The following MGAT5 variants were observed in gnomAD, a reference collection of about 807,000 sequenced individuals.
The protein encoded by MGAT5 is alpha-1,6-mannosylglycoprotein 6-beta-N-acetylglucosaminyltransferase, also known as alpha-1,6-mannosylglycoprotein 6-beta-N-acetylglucosaminyltransferase A.
A neutral mutation model predicts 94.3 loss-of-function variants in MGAT5; 30 were observed. That is an observed-to-expected ratio of 0.32 (90% CI 0.24 to 0.43). MGAT5 has a LOEUF of 0.43. Among genes scored for constraint, MGAT5 ranks in the 20% least tolerant of loss-of-function variants. The probability of loss-of-function intolerance (pLI) is 1.00; values close to 1 mark genes in which losing one functional copy is unlikely to be tolerated. For synonymous variants in MGAT5, 310 were observed against 322.9 expected (o/e 0.96, Z 0.43); for missense variants, 691 against 905.5 (o/e 0.76, Z 3.04).
At chr2:134,189,604 T>TTTTTTTGTTTTTTTG (rs1689247865) in intron 1 of MGAT5, among the ~76,000 whole-genome samples, 2 of 105,812 alleles carry the variant, frequency 1.9e-5, no homozygotes, top group Non-Finnish European at 3.7e-5. Context: ...TTTTTTTTGT[T>TTTTTTTGTTTTTTTG]TTTTTTTTTT....
In MGAT5 at chr2:134,273,022, C is replaced by T. The variant is rs551396819; in HGVS notation, c.406+2472C>T. 1.4e-3 allele frequency among the ~76,000 whole-genome samples: 209 copies of T among 148,712 alleles called. 1 individual carries two copies. The highest frequency in any genetic ancestry group is 8.8e-3 in the South Asian group (41 of 4,650). ...GTGTGTGTGTGTCTGTGTGTGTGTG[C>T]GCGCGCGCGTGCGCGTGCATGCATG... is the stretch of plus-strand genomic sequence containing the variant. On this transcript the variant is annotated intron_variant, in intron 2 of 15. Coordinates refer to ENST00000281923, the MANE Select transcript of MGAT5 (RefSeq NM_002410.5).
intron 14 of MGAT5, among the ~76,000 whole-genome samples, chr2:134,432,712 T>C (rs1158430760): frequency 6.6e-6 from 1 of 152,232 alleles, no homozygotes; most frequent in Non-Finnish European, 1.5e-5. Context: ...ACTGTGTTTC[T>C]GACCTTGGGC....
intron 7 of MGAT5, 59 bp downstream of exon 7, chr2:134,341,818 T>A: frequency 6.9e-7 from 1 of 1,447,830 alleles, no homozygotes; most frequent in Non-Finnish European, 9.4e-7. Context: ...TGTAAACTCT[T>A]AAAGTATTAC....
intron 1 of MGAT5, among the ~76,000 whole-genome samples, chr2:134,137,897 T>TTTTTTTTTTTTTA: frequency 6.6e-6 from 1 of 152,146 alleles, no homozygotes. Flanking sequence ...TCTTTTTTTT[T>TTTTTTTTTTTTTA]TTTGCAAATG....
intron 10 of MGAT5, 58 bp from the exon 11 acceptor site, chr2:134,402,930 A>G (rs1683135678): frequency 3.3e-6 from 5 of 1,507,712 alleles, no homozygotes; most frequent in Middle Eastern, 1.8e-4. Context: ...TCCATGATAC[A>G]GGTTGTTATG....
At chr2:134,194,720 C>T (rs1679413948) in intron 1 of MGAT5, among the ~76,000 whole-genome samples, 1 of 152,084 alleles carries the variant, frequency 6.6e-6, no homozygotes, top group Admixed American at 6.5e-5. Flanking sequence ...GTCATTGAAC[C>T]AGATTGTGAA....
chr2:134,287,664 C>A (rs1325653592), intron 2 of MGAT5, among the ~76,000 whole-genome samples: 1 of 152,226 alleles, frequency 6.6e-6, no homozygotes, highest in Non-Finnish European at 1.5e-5. Flanking sequence ...AACTTTGCTT[C>A]ATAGCTAGAG....
intron 9 of MGAT5, among the ~76,000 whole-genome samples, chr2:134,358,136 C>G (rs1207890290): frequency 6.6e-6 from 1 of 150,962 alleles, no homozygotes; most frequent in Non-Finnish European, 1.5e-5. Context: ...TACAATTAAC[C>G]ATTTACTGTA....
At position 134,338,378 on chromosome 2, in the gene MGAT5, C is replaced by T. The variant is rs2105990004; in HGVS notation, c.765C>T (p.Ser255=). Residue 255 remains serine (S), a synonymous_variant, in exon 6 of 16, where the codon TCC becomes TCT. Coordinates refer to ENST00000281923, the MANE Select transcript of MGAT5 (RefSeq NM_002410.5). Reference sequence around the variant, plus strand: ...ACGCATGGATCCAAGCAATCAAGTCCCTGGCAGAAAAGCAGAACCTTGAAA... The same window carrying T: ...ACGCATGGATCCAAGCAATCAAGTCTCTGGCAGAAAAGCAGAACCTTGAAA... ...MADAWIQAIK[S]LAEKQNLEKR... is the part of the protein sequence containing the mutation. 6.2e-7 allele frequency: 1 copy of T among 1,611,780 alleles called. No individual in the cohort carries two copies. Among genetic ancestry groups the T allele is most frequent in the East Asian group, 2.2e-5 (1 of 44,748 alleles).
At chr2:134,448,623 A>G (rs746929021) in intron 15 of MGAT5, 26 bp from the exon 16 acceptor site, 1 of 1,610,368 alleles carries the variant, frequency 6.2e-7, no homozygotes, top group East Asian at 2.2e-5. Context: ...CATCACCAAC[A>G]CTTGTGCCTT....
At chr2:134,219,997 C>T (rs1470221132) in intron 1 of MGAT5, among the ~76,000 whole-genome samples, 4 of 152,104 alleles carry the variant, frequency 2.6e-5, no homozygotes, top group South Asian at 2.1e-4. Context: ...AGCATAAATA[C>T]TAATATTAGC....
At chr2:134,365,594 C>T (rs976581997) in intron 10 of MGAT5, among the ~76,000 whole-genome samples, 2 of 152,092 alleles carry the variant, frequency 1.3e-5, no homozygotes, top group Non-Finnish European at 2.9e-5. Flanking sequence ...ATGCATTCCT[C>T]CACAAGGAGA....
At chr2:134,128,007 A>T (rs1685929501) in intron 1 of MGAT5, among the ~76,000 whole-genome samples, 1 of 151,454 alleles carries the variant, frequency 6.6e-6, no homozygotes. Flanking sequence ...ACAAATTGGG[A>T]CTCTGAATGT....
At chr2:134,156,894 G>A (rs1165429511) in intron 1 of MGAT5, among the ~76,000 whole-genome samples, 2 of 152,318 alleles carry the variant, frequency 1.3e-5, no homozygotes, top group African/African-American at 4.8e-5. Context: ...GACACATCCA[G>A]GTTTGATGCA....
At chr2:134,146,891 T>C (rs1686946820) in intron 1 of MGAT5, among the ~76,000 whole-genome samples, 1 of 152,336 alleles carries the variant, frequency 6.6e-6, no homozygotes, top group East Asian at 1.9e-4. Flanking sequence ...AAAGTCACTC[T>C]GGAGTCATTA....
At position 134,450,818 on chromosome 2, in the gene MGAT5, G is replaced by GTGTGTGTGTGTGTA. The variant is rs1686064330; in HGVS notation, c.*1974_*1987dup. The stretch of plus-strand genomic sequence containing the variant: ...TGTGTGTGTGTGTGTGTGTGTGTGT[G>GTGTGTGTGTGTGTA]TGTGTGTGTGTGTATGAGCCTGTGC... On this transcript the variant is annotated 3_prime_UTR_variant, in exon 16 of 16. Coordinates refer to ENST00000281923, the MANE Select transcript of MGAT5 (RefSeq NM_002410.5). The GTGTGTGTGTGTGTA allele has an allele frequency of 7.2e-6, 1 of 138,900 alleles. No individual in the cohort carries two copies. The highest frequency in any genetic ancestry group is 1.5e-5 in the Non-Finnish European group (1 of 67,306). The allele number at this position is 138,900 out of a possible 1,614,324, so 8.6% of individuals were successfully genotyped here.
At chr2:134,413,114 G>A in intron 12 of MGAT5, 99 bp downstream of exon 12, 1 of 1,340,286 alleles carries the variant, frequency 7.5e-7, no homozygotes, top group Non-Finnish European at 1.0e-6. Context: ...ATGATTGGGT[G>A]GGAGGGTGAG....
At chr2:134,258,770 G>T (rs1433254471) in intron 1 of MGAT5, among the ~76,000 whole-genome samples, 26 of 152,214 alleles carry the variant, frequency 1.7e-4, no homozygotes, top group Non-Finnish European at 3.8e-4. Context: ...GTGGTTAGGA[G>T]CATGGGTTTG....
At chr2:134,409,468 A>G (rs558137971) in intron 11 of MGAT5, among the ~76,000 whole-genome samples, 1 of 152,338 alleles carries the variant, frequency 6.6e-6, no homozygotes, top group East Asian at 1.9e-4. Flanking sequence ...CTGTCTCCAG[A>G]ACCTGCGCTG....
Sources: gnomAD v4.1 joint callset for allele counts (sites outside exome capture counted in the v4.1 genomes callset) on GRCh38, gnomAD v4.1.1 for gene constraint, MANE v1.5 for transcripts, NCBI Gene and HGNC (gene_info 2026-07-23, HGNC 2026-07-21) for gene names.